Variants in SAMD12 observed in about 807,000 individuals in gnomAD.
SAMD12 encodes the protein sterile alpha motif domain-containing protein 12.
A neutral mutation model predicts 15.0 loss-of-function variants in SAMD12; 9 were observed. The observed-to-expected ratio is 0.60, with a 90% CI of 0.36 to 1.05. The LOEUF is 1.05. SAMD12 is among the 50% of genes least tolerant of loss of function. The pLI is 0.01. For synonymous variants in SAMD12, 86 were observed against 90.1 expected (o/e 0.96, Z 0.25); for missense variants, 230 against 234.2 (o/e 0.98, Z 0.12).
chr8:118,197,583 G>T, exon 5 of SAMD12: 3 of 859,422 alleles, frequency 3.5e-6, no homozygotes, highest in African/African-American at 1.7e-5. Flanking sequence ...GCTTTTTTCA[G>T]TTAATCCAGT....
At chr8:118,416,204 C>T (rs1186021912) in intron 3 of SAMD12, among the ~76,000 whole-genome samples, 1 of 152,172 alleles carries the variant, frequency 6.6e-6, no homozygotes, top group Non-Finnish European at 1.5e-5. Context: ...AACATAAATG[C>T]TGGATGTAGA....
chr8:118,606,662 G>T (rs1204998792), intron 1 of SAMD12, among the ~76,000 whole-genome samples: 2 of 152,056 alleles, frequency 1.3e-5, no homozygotes, highest in Non-Finnish European at 2.9e-5. Flanking sequence ...GCAGCATAGT[G>T]GTACTTAGCA....
chr8:118,206,934 C>T (rs1027387720), intron 4 of SAMD12, among the ~76,000 whole-genome samples: 11 of 152,096 alleles, frequency 7.2e-5, no homozygotes, highest in South Asian at 4.1e-4. Context: ...GGTAGAATGT[C>T]GGGACTATCA....
At chr8:118,220,657 T>C (rs1178234142) in intron 4 of SAMD12, among the ~76,000 whole-genome samples, 2 of 152,214 alleles carry the variant, frequency 1.3e-5, no homozygotes, top group African/African-American at 4.8e-5. Context: ...AAATCATGAT[T>C]CAAGCCACTT....
chr8:118,175,184 T>C, the SAMD12 span, among the ~76,000 whole-genome samples: 1 of 152,078 alleles, frequency 6.6e-6, no homozygotes, highest in East Asian at 1.9e-4. Flanking sequence ...GAAATAAAGC[T>C]GCACACCTAC....
At chr8:118,228,910 G>A (rs143192807) in intron 4 of SAMD12, among the ~76,000 whole-genome samples, 255 of 152,262 alleles carry the variant, frequency 1.7e-3, no homozygotes, top group Middle Eastern at 0.014. Context: ...GTCAATGAGT[G>A]GATAAGGAAA....
At chr8:118,454,922 C>T (rs1429992438) in intron 2 of SAMD12, among the ~76,000 whole-genome samples, 1 of 152,236 alleles carries the variant, frequency 6.6e-6, no homozygotes, top group Non-Finnish European at 1.5e-5. Context: ...TTCACTCAGC[C>T]TATTGTCCTA....
At chr8:118,139,183 C>T in the SAMD12 span, among the ~76,000 whole-genome samples, 18 of 149,434 alleles carry the variant, frequency 1.2e-4, no homozygotes, top group South Asian at 6.4e-4. Context: ...TGAAGTCAGA[C>T]CAGAGATTGG....
chr8:118,500,203 C>T (rs1253834766), intron 2 of SAMD12, among the ~76,000 whole-genome samples: 4 of 151,060 alleles, frequency 2.6e-5, no homozygotes, highest in Non-Finnish European at 2.9e-5. Context: ...CTCAGCCTCC[C>T]GAGTAGCTGG....
chr8:118,133,007 T>C, the SAMD12 span, among the ~76,000 whole-genome samples: 1 of 111,334 alleles, frequency 9.0e-6, no homozygotes, highest in African/African-American at 3.1e-5. Flanking sequence ...TATATATATA[T>C]ATATATATAT....
chr8:118,206,935 G>A (rs1001888299), intron 4 of SAMD12, among the ~76,000 whole-genome samples: 3 of 152,140 alleles, frequency 2.0e-5, no homozygotes, highest in Admixed American at 6.5e-5. Flanking sequence ...GTAGAATGTC[G>A]GGACTATCAA....
chr8:118,529,002 A>T (rs1269115155), intron 2 of SAMD12, among the ~76,000 whole-genome samples: 1 of 152,126 alleles, frequency 6.6e-6, no homozygotes, highest in Non-Finnish European at 1.5e-5. Flanking sequence ...AACACCCTAC[A>T]CTTTCCAGCT....
intron 3 of SAMD12, among the ~76,000 whole-genome samples, chr8:118,409,798 A>C (rs1821320090): frequency 1.3e-5 from 2 of 152,056 alleles, no homozygotes; most frequent in South Asian, 4.1e-4. Flanking sequence ...GAAAACCAGT[A>C]AGATAATGAA....
At chr8:118,169,748 G>A in the SAMD12 span, among the ~76,000 whole-genome samples, 1 of 152,124 alleles carries the variant, frequency 6.6e-6, no homozygotes, top group Non-Finnish European at 1.5e-5. Context: ...TAAAAAAGAT[G>A]AAGGACAACA....
chr8:118,505,144 A>G (rs535820663), intron 2 of SAMD12, among the ~76,000 whole-genome samples: 48 of 152,274 alleles, frequency 3.2e-4, no homozygotes, highest in African/African-American at 1.1e-3. Context: ...TCTGGTTCCA[A>G]CTTCTTCTGT....
chr8:118,531,434 C>G (rs1372359021), intron 2 of SAMD12, among the ~76,000 whole-genome samples: 1 of 152,048 alleles, frequency 6.6e-6, no homozygotes, highest in Non-Finnish European at 1.5e-5. Context: ...TCCATATGAA[C>G]TTTACAGTAG....
intron 2 of SAMD12, among the ~76,000 whole-genome samples, chr8:118,478,015 A>T (rs1247545447): frequency 2.8e-5 from 4 of 141,140 alleles, no homozygotes; most frequent in Non-Finnish European, 1.5e-5. Context: ...CCCTGTCTCA[A>T]AAAAAAAAAA....
At chr8:118,492,354 T>C (rs529480536) in intron 2 of SAMD12, among the ~76,000 whole-genome samples, 102 of 152,306 alleles carry the variant, frequency 6.7e-4, no homozygotes, top group African/African-American at 2.3e-3. Flanking sequence ...TATTTATATA[T>C]GCTGAATACA....
At chr8:118,232,208 C>T (rs1361400268) in intron 4 of SAMD12, among the ~76,000 whole-genome samples, 2 of 152,160 alleles carry the variant, frequency 1.3e-5, no homozygotes, top group South Asian at 4.1e-4. Flanking sequence ...AGACCATTTA[C>T]TTAAAATCAA....
Sources: allele counts gnomAD v4.1 joint callset (sites outside exome capture counted in the v4.1 genomes callset), GRCh38; gene constraint gnomAD v4.1.1; transcripts MANE v1.5; gene names NCBI Gene and HGNC (gene_info 2026-07-23, HGNC 2026-07-21).